Variants in SIDT1 observed in about 807,000 individuals in gnomAD.
SIDT1 encodes the protein SID1 transmembrane family member 1.
SIDT1 carries 101 observed loss-of-function variants against 107.5 expected under a neutral mutation model. The observed-to-expected ratio is 0.94, with a 90% confidence interval of 0.80 to 1.11. The LOEUF is 1.11. SIDT1 is among the 50% of genes least tolerant of loss of function. The pLI is 0.00. For missense variants in SIDT1, 1,076 were observed against 1,058.2 expected, an observed-to-expected ratio of 1.02 and a Z score of -0.23; for synonymous variants, 395 against 398.2, an observed-to-expected ratio of 0.99 and a Z score of 0.10.
At chr3:113,598,460 A>G (rs577664823) in intron 10 of SIDT1, among the ~76,000 whole-genome samples, 7 of 152,190 alleles carry the variant, frequency 4.6e-5, no homozygotes, top group African/African-American at 1.2e-4. Context: ...ACAAACTTCA[A>G]CTTCCCATAT....
chr3:113,592,458 C>T (rs1944229297), intron 9 of SIDT1, among the ~76,000 whole-genome samples: 1 of 152,152 alleles, frequency 6.6e-6, no homozygotes, highest in Admixed American at 6.5e-5. Context: ...AACTCTTTAA[C>T]TTTTTGAGAA....
At chr3:113,577,070 C>CCTTGACCTTTCACAA in intron 4 of SIDT1, 103 bp downstream of exon 4, 1 of 1,092,918 alleles carries the variant, frequency 9.1e-7, no homozygotes, top group Non-Finnish European at 1.4e-6. Flanking sequence ...GTGGTGTTGC[C>CCTTGACCTTTCACAA]CTTGACCTTT....
intron 1 of SIDT1, among the ~76,000 whole-genome samples, chr3:113,539,565 T>C (rs1486312253): frequency 6.6e-6 from 1 of 152,224 alleles, no homozygotes; most frequent in Non-Finnish European, 1.5e-5. Context: ...CATAAGTTTA[T>C]ACTATGACTT....
intron 19 of SIDT1, 193 bp from the exon 20 acceptor site, chr3:113,615,907 A>G (rs1414579428): frequency 3.3e-6 from 2 of 615,160 alleles, no homozygotes; most frequent in African/African-American, 3.7e-5. Context: ...TAATGCACAG[A>G]TATGGCATCC....
At chr3:113,616,275 A>G in intron 20 of SIDT1, 99 bp downstream of exon 20, 1 of 921,692 alleles carries the variant, frequency 1.1e-6, no homozygotes, top group Non-Finnish European at 1.8e-6. Context: ...CCTAAAATCA[A>G]GAAGGCCAGA....
At chr3:113,592,963 GT>G in intron 9 of SIDT1, 41 bp from the exon 10 acceptor site, 1 of 1,498,250 alleles carries the variant, frequency 6.7e-7, no homozygotes, top group Non-Finnish European at 9.3e-7. Context: ...AAATGCTGAG[GT>G]TTTCACTGTC....
chr3:113,602,095 A>G (rs916504625), intron 11 of SIDT1: 1 of 154,018 alleles, frequency 6.5e-6, no homozygotes, highest in African/African-American at 2.4e-5. Flanking sequence ...CCAATCCTTC[A>G]TTTTGGCTGA....
At chr3:113,618,271 A>C (rs1476239168) in intron 20 of SIDT1, among the ~76,000 whole-genome samples, 1 of 152,196 alleles carries the variant, frequency 6.6e-6, no homozygotes, top group East Asian at 1.9e-4. Context: ...TGTATTTAGC[A>C]CTGAATAATA....
Position 113,533,130 on chromosome 3 carries a change from C to A in SIDT1, c.109C>A (p.Arg37Ser), listed in dbSNP as rs140774713. ...KSPRQPPAPR[R>S]DPFDAARGAD... ...CCCCAGGCAGCCCCCGGCACCGCGC[C>A]GCGACCCCTTCGACGCTGCCAGGGG... Residue 37 changes from arginine to serine, a missense_variant, in exon 1 of 25, where the codon CGC becomes AGC. Physicochemically the swap from Arg to Ser is moderately radical, Grantham distance 110. Transcript: ENST00000264852. 2.3e-4 allele frequency: 359 copies of A among 1,567,410 alleles called. No individual in the cohort carries two copies. In the African/African-American group the frequency reaches 4.1e-3, roughly 18 times the overall value.
At chr3:113,635,182 T>G in the SIDT1 span, among the ~76,000 whole-genome samples, 1 of 152,202 alleles carries the variant, frequency 6.6e-6, no homozygotes, top group Non-Finnish European at 1.5e-5. Flanking sequence ...AGGAATGTAG[T>G]GTGGTTATTT....
Position 113,613,369 on chromosome 3 carries a change from C to G in SIDT1, c.1966+1175C>G, listed in dbSNP as rs140079695. On this transcript the variant is annotated intron_variant, in intron 19 of 24. Transcript: ENST00000264852. Reference sequence around the variant, plus strand: ...GAATTTCTAGAAGGAAAGGAGGAGTCCTTTGGCCCTGCAGACTCCTCACTC... The same window carrying G: ...GAATTTCTAGAAGGAAAGGAGGAGTGCTTTGGCCCTGCAGACTCCTCACTC... Among the ~76,000 whole-genome samples the G allele has an allele frequency of 1.6e-3, 239 of 152,342 alleles. 2 individuals carry two copies. The highest frequency in any genetic ancestry group is 5.2e-3 in the African/African-American group (216 of 41,574).
chr3:113,626,285 C>T, intron 24 of SIDT1, 70 bp downstream of exon 24: 1 of 1,047,484 alleles, frequency 9.5e-7, no homozygotes, highest in Non-Finnish European at 1.4e-6. Flanking sequence ...TTCTTCTGCT[C>T]TTCCTTACTT....
At chr3:113,633,859 C>A (rs1372299088), downstream of SIDT1, among the ~76,000 whole-genome samples, 1 of 152,094 alleles carries the variant, frequency 6.6e-6, no homozygotes, top group South Asian at 2.1e-4. Flanking sequence ...AGAAAGCAAG[C>A]CTTGGGGTCC....
chr3:113,581,210 A>C, intron 5 of SIDT1, 151 bp from the exon 6 acceptor site: 1 of 657,446 alleles, frequency 1.5e-6, no homozygotes, highest in Non-Finnish European at 2.7e-6. Flanking sequence ...CTATGTCATG[A>C]CTGTTCAAGG....
intron 1 of SIDT1, among the ~76,000 whole-genome samples, chr3:113,559,320 C>G (rs968500792): frequency 3.3e-5 from 5 of 152,188 alleles, no homozygotes; most frequent in African/African-American, 9.7e-5. Context: ...ATGCAAATTT[C>G]TATTTCTCTA....
At chr3:113,568,601 A>AAAAAGAAAAG (rs202138300) in intron 3 of SIDT1, among the ~76,000 whole-genome samples, 11,941 of 144,288 alleles carry the variant, frequency 0.083, 657 homozygotes, top group South Asian at 0.12. Context: ...CTCAAAAAAA[A>AAAAAGAAAAG]AAAAGAAAAG....
rs1946938361 is a variant in SIDT1 at position 113,627,535 on chromosome 3, G to C, written c.2422-111G>C. On this transcript the variant is annotated intron_variant, in intron 24 of 24. Transcript: ENST00000264852. ...TTGCAGAGAGCTGCAGAAGGCATGAGAATGAGAGGGAACTAACAGTTTCCA... is the reference window on the plus strand; with the variant it reads ...TTGCAGAGAGCTGCAGAAGGCATGACAATGAGAGGGAACTAACAGTTTCCA... The C allele has an allele frequency of 5.3e-6, 5 of 944,262 alleles. 1 individual carries two copies. The Admixed American group carries it at 9.5e-5, about 18-fold the overall frequency. The allele number at this position is 944,262 out of a possible 1,614,324, so 58.5% of individuals were successfully genotyped here. A position where few individuals can be genotyped will look rare whatever the true frequency, so the allele number is the denominator to read the frequency against.
In SIDT1 at chr3:113,582,551, A is replaced by G. The variant is rs59888133; in HGVS notation, c.748-858A>G. On this transcript the variant is annotated intron_variant, in intron 6 of 24. Coordinates refer to ENST00000264852, the MANE Select transcript of SIDT1 (RefSeq NM_017699.3). ...AAAATAACTATAGTAGGGAACTTCA[A>G]ATTGTATTTCATCCGGGACACTAAA... Among the ~76,000 whole-genome samples the G allele has an allele frequency of 8.6e-3, 1,304 of 152,276 alleles. 14 individuals are homozygous for G. Among genetic ancestry groups the G allele is most frequent in the African/African-American group, 0.03 (1,238 of 41,536 alleles).
intron 7 of SIDT1, among the ~76,000 whole-genome samples, chr3:113,584,024 G>A (rs970924259): frequency 2.6e-5 from 4 of 152,164 alleles, no homozygotes; most frequent in African/African-American, 9.7e-5. Context: ...GGGGCTCTTA[G>A]GCATAGCACA....
Sources: allele counts gnomAD v4.1 joint callset (sites outside exome capture counted in the v4.1 genomes callset), GRCh38; gene constraint gnomAD v4.1.1; transcripts MANE v1.5; gene names NCBI Gene and HGNC (gene_info 2026-07-23, HGNC 2026-07-21).